The following ZNF536 variants were observed in gnomAD, a reference collection of about 807,000 sequenced individuals.
ZNF536 encodes zinc finger protein 536.
ZNF536 carries 13 observed loss-of-function variants against 84.5 expected under a neutral mutation model. The ratio of observed to expected loss-of-function variants is 0.15; its 90% CI spans 0.10 to 0.24. The LOEUF (loss-of-function observed/expected upper bound fraction) is 0.24, where lower values mean the gene tolerates loss of function less well. Ranked by LOEUF, ZNF536 falls within the 10% of genes least tolerant of loss-of-function variation. The pLI, the probability that ZNF536 is intolerant of heterozygous loss-of-function variation, is 1.00. For synonymous variants in ZNF536, 811 were observed against 742.5 expected, an observed-to-expected ratio of 1.09 and a Z score of -1.50; for missense variants, 1,536 against 1,747.5, an observed-to-expected ratio of 0.88 and a Z score of 2.16.
At chr19:30,486,569 C>T (rs1292696103) in intron 2 of ZNF536, among the ~76,000 whole-genome samples, 1 of 152,148 alleles carries the variant, frequency 6.6e-6, no homozygotes, top group Non-Finnish European at 1.5e-5. Flanking sequence ...CATACATGTG[C>T]ATGTATCTTT....
intron 1 of ZNF536, among the ~76,000 whole-genome samples, chr19:30,627,830 A>C (rs2082423295): frequency 6.6e-6 from 1 of 152,176 alleles, no homozygotes. Context: ...AGAGGCGAAG[A>C]TGGGTGCAAT....
At chr19:30,661,521 G>A (rs1455013071) in intron 1 of ZNF536, among the ~76,000 whole-genome samples, 1 of 152,186 alleles carries the variant, frequency 6.6e-6, no homozygotes, top group African/African-American at 2.4e-5. Flanking sequence ...TAAAAAATAA[G>A]TATCAAATAG....
At chr19:30,332,676 G>C (rs969283066) in intron 2 of ZNF536, among the ~76,000 whole-genome samples, 2 of 152,080 alleles carry the variant, frequency 1.3e-5, no homozygotes, top group African/African-American at 4.8e-5. Context: ...ACTACTTCTT[G>C]TCTTTCCCTT....
intron 2 of ZNF536, among the ~76,000 whole-genome samples, chr19:30,295,826 G>A (rs970680574): frequency 1.3e-5 from 2 of 152,184 alleles, no homozygotes; most frequent in African/African-American, 4.8e-5. Context: ...TTTAATTGAG[G>A]GGCAAAGCAG....
At chr19:30,270,333 T>C (rs1599978766) in intron 1 of ZNF536, among the ~76,000 whole-genome samples, 1 of 152,334 alleles carries the variant, frequency 6.6e-6, no homozygotes, top group Non-Finnish European at 1.5e-5. Flanking sequence ...ATTCAAGATG[T>C]CTGTCATCCT....
chr19:30,462,817 T>C (rs1444416161), intron 2 of ZNF536, among the ~76,000 whole-genome samples: 1 of 148,680 alleles, frequency 6.7e-6, no homozygotes, highest in African/African-American at 2.4e-5. Flanking sequence ...CATTTGCCTG[T>C]GTTGGAATGG....
At chr19:30,362,521 C>T (rs2048306873) in intron 3 of ZNF536, among the ~76,000 whole-genome samples, 1 of 152,188 alleles carries the variant, frequency 6.6e-6, no homozygotes, top group African/African-American at 2.4e-5. Context: ...GGCTCCAGGC[C>T]TGTGGAAGGA....
chr19:30,680,559 A>G (rs1244323478), intron 1 of ZNF536, among the ~76,000 whole-genome samples: 1 of 151,986 alleles, frequency 6.6e-6, no homozygotes, highest in Non-Finnish European at 1.5e-5. Context: ...AATTTCATCC[A>G]TGTCCCTACA....
chr19:30,511,219 T>C (rs1195488695), intron 2 of ZNF536, among the ~76,000 whole-genome samples: 1 of 152,172 alleles, frequency 6.6e-6, no homozygotes, highest in East Asian at 1.9e-4. Flanking sequence ...AGCTCTCAGC[T>C]CCTGCTCAAG....
chr19:30,459,100 C>T (rs1168834553), intron 2 of ZNF536, among the ~76,000 whole-genome samples: 2 of 152,174 alleles, frequency 1.3e-5, no homozygotes, highest in African/African-American at 4.8e-5. Context: ...TTATAAAGCC[C>T]TTAGTGAAGA....
chr19:30,492,750 G>GGATA (rs1442650235), intron 2 of ZNF536, among the ~76,000 whole-genome samples: 1 of 152,116 alleles, frequency 6.6e-6, no homozygotes, highest in Admixed American at 6.5e-5. Context: ...GTCTGCAGCG[G>GGATA]GATAGATAGG....
At chr19:30,507,600 A>C (rs372414816) in intron 2 of ZNF536, among the ~76,000 whole-genome samples, 4 of 152,320 alleles carry the variant, frequency 2.6e-5, no homozygotes, top group African/African-American at 9.6e-5. Flanking sequence ...GGTGTAAAGA[A>C]TAGAGAAAAA....
chr19:30,434,014 A>G (rs2051598296), intron 1 of ZNF536, among the ~76,000 whole-genome samples: 2 of 151,778 alleles, frequency 1.3e-5, no homozygotes, highest in Non-Finnish European at 2.9e-5. Context: ...AGTGAATAGG[A>G]CAGCCTATCA....
intron 1 of ZNF536, among the ~76,000 whole-genome samples, chr19:30,619,691 A>G (rs1004459349): frequency 3.9e-5 from 6 of 152,184 alleles, no homozygotes; most frequent in Admixed American, 6.5e-5. Flanking sequence ...TTTCACACAC[A>G]TGTGATCCAC....
intron 1 of ZNF536, among the ~76,000 whole-genome samples, chr19:30,255,550 C>G (rs1445911268): frequency 6.6e-6 from 1 of 152,020 alleles, no homozygotes; most frequent in Admixed American, 6.6e-5. Flanking sequence ...ATGCAGGATA[C>G]GATTACAGTA....
chr19:30,360,928 C>T (rs1356110300), intron 3 of ZNF536, among the ~76,000 whole-genome samples: 1 of 152,218 alleles, frequency 6.6e-6, no homozygotes, highest in Non-Finnish European at 1.5e-5. Flanking sequence ...CTGCTGTTTC[C>T]TGTCCTTTAT....
chr19:30,239,473 C>A (rs2023780990), intron 1 of ZNF536, among the ~76,000 whole-genome samples: 1 of 152,184 alleles, frequency 6.6e-6, no homozygotes, highest in Non-Finnish European at 1.5e-5. Context: ...GTGGCCTGGA[C>A]CTTCTCTGCA....
chr19:30,681,289 C>A (rs2050961175), intron 1 of ZNF536, among the ~76,000 whole-genome samples: 1 of 152,168 alleles, frequency 6.6e-6, no homozygotes. Flanking sequence ...TTCTGCAGAC[C>A]TGAGCGCCAG....
intron 1 of ZNF536, among the ~76,000 whole-genome samples, chr19:30,426,222 G>A (rs534578301): frequency 1.5e-4 from 23 of 152,124 alleles, no homozygotes; most frequent in African/African-American, 5.3e-4. Flanking sequence ...TGACTTTAAC[G>A]GCAATAAAAT....
Sources: gnomAD v4.1 joint callset for allele counts (sites outside exome capture counted in the v4.1 genomes callset) on GRCh38, gnomAD v4.1.1 for gene constraint, MANE v1.5 for transcripts, NCBI Gene and HGNC (gene_info 2026-07-23, HGNC 2026-07-21) for gene names.